The following PEX14 variants were observed in gnomAD, a reference collection of about 807,000 sequenced individuals.
PEX14 encodes the protein peroxisomal biogenesis factor 14, also known as peroxisomal membrane protein PEX14.
PEX14 carries 15 observed loss-of-function variants against 49.5 expected under a neutral mutation model. The ratio of observed to expected loss-of-function variants is 0.30; its 90% CI spans 0.20 to 0.47. The LOEUF is 0.47. Ranked by LOEUF, PEX14 falls within the 20% of genes least tolerant of loss-of-function variation. The pLI, the probability that PEX14 is intolerant of heterozygous loss-of-function variation, is 1.00. For missense variants in PEX14, 398 were observed against 494.8 expected (o/e 0.80, Z 1.86); for synonymous variants, 210 against 212.7 (o/e 0.99, Z 0.11).
At chr1:10,523,331 A>T (rs1557825757) in intron 2 of PEX14, among the ~76,000 whole-genome samples, 1 of 152,028 alleles carries the variant, frequency 6.6e-6, no homozygotes, top group Non-Finnish European at 1.5e-5. Context: ...GGCTGCCCTG[A>T]TTTCTTCTGC....
At chr1:10,549,911 G>A (rs1426300772) in intron 3 of PEX14, among the ~76,000 whole-genome samples, 3 of 152,086 alleles carry the variant, frequency 2.0e-5, no homozygotes, top group Non-Finnish European at 2.9e-5. Context: ...TACCTTATTT[G>A]GAAAGATTTT....
At chr1:10,500,021 G>A (rs1641643195) in intron 2 of PEX14, among the ~76,000 whole-genome samples, 1 of 152,034 alleles carries the variant, frequency 6.6e-6, no homozygotes, top group Admixed American at 6.6e-5. Flanking sequence ...GGACACCCAA[G>A]ATTTTCTCTT....
chr1:10,513,720 T>C (rs1641923768), intron 2 of PEX14, among the ~76,000 whole-genome samples: 1 of 152,224 alleles, frequency 6.6e-6, no homozygotes, highest in Non-Finnish European at 1.5e-5. Flanking sequence ...GACTATTATA[T>C]AGCCCTTAAA....
At chr1:10,517,042 G>T (rs1432889412) in intron 2 of PEX14, 1 of 152,470 alleles carries the variant, frequency 6.6e-6, no homozygotes, top group South Asian at 2.1e-4. Context: ...CAGAGCCCAA[G>T]CCTGCTCCCT....
chr1:10,517,729 G>A (rs949206574), intron 2 of PEX14, among the ~76,000 whole-genome samples: 2 of 150,052 alleles, frequency 1.3e-5, no homozygotes, highest in African/African-American at 4.9e-5. Context: ...CCCTGTGACC[G>A]AGAGGCTAGC....
At chr1:10,626,702 A>G (rs1288707118) in intron 7 of PEX14, among the ~76,000 whole-genome samples, 1 of 152,254 alleles carries the variant, frequency 6.6e-6, no homozygotes, top group Non-Finnish European at 1.5e-5. Flanking sequence ...CCTCACACGG[A>G]GGCCTCGTGG....
rs181291606 is a variant in PEX14, at chr1:10,629,334, C to T, written c.678-197C>T. Among the ~76,000 whole-genome samples the T allele has an allele frequency of 1.3e-3, 201 of 152,312 alleles. 1 individual carries two copies. Among genetic ancestry groups the T allele is most frequent in the Non-Finnish European group, 2.4e-3 (161 of 68,010 alleles). On this transcript the variant is annotated intron_variant, in intron 8 of 8. Transcript: ENST00000356607. The surrounding 1 kb of genome is among the most constrained non-coding windows in gnomAD (Gnocchi z 8.5). ...GGGCTGTCTGTGGGGGCACAGGACCCGCTTGGCATCTATCTCAGCTGTAGG... is the reference window on the plus strand; with the variant it reads ...GGGCTGTCTGTGGGGGCACAGGACCTGCTTGGCATCTATCTCAGCTGTAGG...
At chr1:10,584,951 C>T (rs1640435891) in intron 3 of PEX14, among the ~76,000 whole-genome samples, 2 of 152,058 alleles carry the variant, frequency 1.3e-5, no homozygotes, top group South Asian at 4.1e-4. Context: ...GAAATGCATG[C>T]CAGTACACAA....
At chr1:10,521,346 T>A (rs1638288766) in intron 2 of PEX14, among the ~76,000 whole-genome samples, 1 of 152,222 alleles carries the variant, frequency 6.6e-6, no homozygotes, top group African/African-American at 2.4e-5. Flanking sequence ...CTAGGGAAGA[T>A]GGGGGTGCCC....
At position 10,495,741 on chromosome 1, in the gene PEX14, T is replaced by G. The variant is rs1641548971; in HGVS notation, c.84+420T>G. 6.6e-6 allele frequency among the ~76,000 whole-genome samples: 1 copy of G among 152,144 alleles called. No homozygotes were observed. Among genetic ancestry groups the G allele is most frequent in the Non-Finnish European group, 1.5e-5 (1 of 68,026 alleles). On this transcript the variant is annotated intron_variant, in intron 2 of 8. Transcript: ENST00000356607. The surrounding 1 kb of genome is among the most constrained non-coding windows in gnomAD (Gnocchi z 4.2). The stretch of plus-strand genomic sequence containing the variant: ...GAACAGGTAAGCGATGGAATTCTGG[T>G]TTTGCCTGGTCAGTAATTGTGTGAT...
chr1:10,517,016 T>G (rs1641981051), intron 2 of PEX14: 1 of 152,266 alleles, frequency 6.6e-6, no homozygotes, highest in Non-Finnish European at 1.5e-5. Flanking sequence ...GGTTTGTTCT[T>G]TTCTTTTCCA....
In PEX14 at chr1:10,507,326, G is replaced by A. The variant is rs145289283; in HGVS notation, c.84+12005G>A. Among the ~76,000 whole-genome samples the A allele has an allele frequency of 5.0e-3, 758 of 152,370 alleles. 8 individuals carry two copies. Among genetic ancestry groups the A allele is most frequent in the African/African-American group, 0.017 (721 of 41,586 alleles). On this transcript the variant is annotated intron_variant, in intron 2 of 8. Coordinates refer to ENST00000356607, the MANE Select transcript of PEX14 (RefSeq NM_004565.3). ...ACACTAGCGTGCGTGCGGGGCGCCC[G>A]CTGCACAAACGTATCTTCAGCCGAT...
intron 2 of PEX14, among the ~76,000 whole-genome samples, chr1:10,508,967 C>T (rs1330145127): frequency 1.3e-5 from 2 of 150,586 alleles, no homozygotes; most frequent in African/African-American, 4.9e-5. Flanking sequence ...GACGGAGTCT[C>T]GCTCTGTCGC....
chr1:10,481,892 C>T (rs956852347), intron 1 of PEX14, among the ~76,000 whole-genome samples: 66 of 136,920 alleles, frequency 4.8e-4, no homozygotes, highest in African/African-American at 1.8e-3. Context: ...GGTACGATTT[C>T]GGCTCACTGC....
rs146829446 is a variant in PEX14, at chr1:10,559,445, A to T, written c.169+23148A>T. ...AGAGAAGAAAATACACATTATTTCTATTTTGTCAAGCGGAAAAGCTGAAAG... is the reference window on the plus strand; with the variant it reads ...AGAGAAGAAAATACACATTATTTCTTTTTTGTCAAGCGGAAAAGCTGAAAG... On this transcript the variant is annotated intron_variant, in intron 3 of 8. Coordinates refer to ENST00000356607, the MANE Select transcript of PEX14 (RefSeq NM_004565.3). Among the ~76,000 whole-genome samples, 302 of 152,280 alleles carry T rather than the reference A, an allele frequency of 2.0e-3. 7 individuals are homozygous for T. In the East Asian group the frequency reaches 0.045, roughly 23 times the overall value.
chr1:10,591,515 A>G (rs1025203418), intron 3 of PEX14, among the ~76,000 whole-genome samples: 1 of 152,116 alleles, frequency 6.6e-6, no homozygotes, highest in Non-Finnish European at 1.5e-5. Context: ...ATTCACAGGG[A>G]ACAAAATTCA....
chr1:10,550,892 T>C (rs943452181), intron 3 of PEX14, among the ~76,000 whole-genome samples: 1 of 152,222 alleles, frequency 6.6e-6, no homozygotes, highest in African/African-American at 2.4e-5. Flanking sequence ...ATTTCAGTAA[T>C]TATTTTGCTA....
intron 3 of PEX14, among the ~76,000 whole-genome samples, chr1:10,568,442 C>T (rs927916779): frequency 1.3e-5 from 2 of 150,382 alleles, no homozygotes; most frequent in Admixed American, 1.3e-4. Context: ...TGTCCTTTAT[C>T]ACTTACAGAA....
intron 2 of PEX14, among the ~76,000 whole-genome samples, chr1:10,508,276 G>A (rs1399951037): frequency 8.6e-5 from 13 of 151,976 alleles, no homozygotes; most frequent in Middle Eastern, 3.4e-3. Context: ...GTGCGATCTC[G>A]GCTGTCTGCA....
Sources: allele counts gnomAD v4.1 joint callset (sites outside exome capture counted in the v4.1 genomes callset), GRCh38; gene constraint gnomAD v4.1.1; non-coding constraint Gnocchi (gnomAD v3.1); transcripts MANE v1.5; gene names NCBI Gene and HGNC (gene_info 2026-07-23, HGNC 2026-07-21).